Variants in AZIN2 observed in about 807,000 individuals in gnomAD.
AZIN2 encodes ODC antizyme inhibitor-2.
In AZIN2, 28 loss-of-function variants were observed where a neutral mutation model predicts 47.8. The observed-to-expected ratio is 0.59, with a 90% CI of 0.43 to 0.80. The LOEUF (loss-of-function observed/expected upper bound fraction) is 0.80. Among genes scored for constraint, AZIN2 ranks in the 30% least tolerant of loss-of-function variants. AZIN2 has a pLI of 0.00. For missense variants in AZIN2, 535 were observed against 582.5 expected (o/e 0.92, Z 0.84); for synonymous variants, 221 against 239.4 (o/e 0.92, Z 0.71).
At chr1:33,083,317 C>T (rs1185485415) in intron 4 of AZIN2, 1 of 155,552 alleles carries the variant, frequency 6.4e-6, no homozygotes, top group Non-Finnish European at 1.4e-5. Flanking sequence ...GGGTCCCTTC[C>T]ACATTTAAGT....
At chr1:33,132,870 G>T in the AZIN2 span, among the ~76,000 whole-genome samples, 3 of 152,244 alleles carry the variant, frequency 2.0e-5, no homozygotes, top group African/African-American at 7.2e-5. Context: ...AAAATTAGCG[G>T]CATGAGAGGC....
chr1:33,138,640 A>AAAAAAAAAAAAG, the AZIN2 span, among the ~76,000 whole-genome samples: 1 of 149,418 alleles, frequency 6.7e-6, no homozygotes, highest in Non-Finnish European at 1.5e-5. Context: ...AAAAAAAAAA[A>AAAAAAAAAAAAG]AAAAAGAAAA....
At chr1:33,103,438 T>G (rs1643861578) in intron 10 of AZIN2, among the ~76,000 whole-genome samples, 1 of 152,158 alleles carries the variant, frequency 6.6e-6, no homozygotes, top group Non-Finnish European at 1.5e-5. Context: ...CACTCACCCC[T>G]GAGACAGCTG....
At chr1:33,161,601 C>A in the AZIN2 span, among the ~76,000 whole-genome samples, 1 of 151,988 alleles carries the variant, frequency 6.6e-6, no homozygotes, top group Non-Finnish European at 1.5e-5. The surrounding 1 kb of genome is among the most constrained non-coding windows in gnomAD (Gnocchi z 4.3). Flanking sequence ...GGGGGGCGGA[C>A]GAGAGTCTGG....
chr1:33,115,533 G>A (rs1644499454), intron 10 of AZIN2, among the ~76,000 whole-genome samples: 1 of 152,052 alleles, frequency 6.6e-6, no homozygotes, highest in Non-Finnish European at 1.5e-5. Context: ...GCAAAATCCT[G>A]TATCTACTAA....
chr1:33,136,122 C>CCTTG, the AZIN2 span, among the ~76,000 whole-genome samples: 18 of 89,932 alleles, frequency 2.0e-4, no homozygotes, highest in African/African-American at 7.6e-4. Flanking sequence ...GCCCTTCCTT[C>CCTTG]CTTCCTTCCT....
chr1:33,098,980 G>T (rs1643435573), intron 10 of AZIN2, among the ~76,000 whole-genome samples: 2 of 151,616 alleles, frequency 1.3e-5, no homozygotes, highest in South Asian at 4.2e-4. Flanking sequence ...GTCCAGGCTG[G>T]TCTCTAACCC....
chr1:33,095,488 A>G (rs1237954524), intron 8 of AZIN2, among the ~76,000 whole-genome samples: 1 of 152,228 alleles, frequency 6.6e-6, no homozygotes, highest in Non-Finnish European at 1.5e-5. Context: ...AATAAAAAAT[A>G]GCGTTTGTAT....
rs1643193901 is a variant in AZIN2 at position 33,096,718 on chromosome 1, G to A, written c.765G>A (p.Val255=). The change falls in exon 9 of 12, where the codon GTG becomes GTA. Residue 255 remains valine, a synonymous_variant. Coordinates refer to ENST00000294517, the MANE Select transcript of AZIN2 (RefSeq NM_052998.4). The part of the protein sequence containing the change: ...AKVRFEEIAS[V]INSALDLYFP... ...TCTCCTCCTACCAGATTGCTTCCGT[G>A]ATCAACTCAGCCTTGGACCTGTACT... 6.2e-7 allele frequency: 1 copy of A among 1,614,226 alleles called. No homozygotes were observed. Among genetic ancestry groups the A allele is most frequent in the Admixed American group, 1.7e-5 (1 of 60,028 alleles).
intron 11 of AZIN2, chr1:33,119,180 TA>T: frequency 6.5e-6 from 1 of 152,964 alleles, no homozygotes; most frequent in Non-Finnish European, 1.5e-5. Context: ...AGGACATGTG[TA>T]AGAGCCCAAA....
the AZIN2 span, among the ~76,000 whole-genome samples, chr1:33,133,761 C>T: frequency 1.3e-5 from 2 of 152,216 alleles, no homozygotes; most frequent in Non-Finnish European, 2.9e-5. Context: ...ACACTGGGCT[C>T]CCACGACACG....
rs990423134 is a variant in AZIN2 at position 33,123,449 on chromosome 1, A to G, written c.*3267A>G. On this transcript the variant is annotated 3_prime_UTR_variant, in exon 12 of 12. Coordinates refer to ENST00000294517, the MANE Select transcript of AZIN2 (RefSeq NM_052998.4). ...GTATATGCTGGATGGGCAAATGAAT[A>G]AACATGTCTGAATCTGTCTGAATAA... Among the ~76,000 whole-genome samples, 1 of 152,242 alleles carries G rather than the reference A, an allele frequency of 6.6e-6. No homozygotes were observed. The highest frequency in any genetic ancestry group is 2.4e-5 in the African/African-American group (1 of 41,456).
Position 33,094,706 on chromosome 1 carries a change from T to A in AZIN2, c.746T>A (p.Phe249Tyr). Residue 249 changes from phenylalanine (F) to tyrosine (Y), a missense_variant, in exon 8 of 12, where the codon TTT (phenylalanine) becomes TAT (tyrosine). This residue lies in a region of AZIN2 where 409 missense variants were observed against 429.0 expected (regional missense o/e 0.95). Transcript: ENST00000294517. ...FPGTEGAKVRFEEIASVINSA... is the reference protein window; with the variant it reads ...FPGTEGAKVRYEEIASVINSA... ...GGCACAGAAGGGGCCAAAGTGAGATTTGAAGAGGTAACCCTGGAGCTGGGA... is the reference window on the plus strand; with the variant it reads ...GGCACAGAAGGGGCCAAAGTGAGATATGAAGAGGTAACCCTGGAGCTGGGA... The A allele has an allele frequency of 6.2e-7, 1 of 1,614,114 alleles. No individual in the cohort carries two copies. Among genetic ancestry groups the A allele is most frequent in the South Asian group, 1.1e-5 (1 of 91,082 alleles).
rs1470795174 is a variant in AZIN2 at position 33,096,823 on chromosome 1, C to T, written c.870C>T (p.Ser290=). 1 of 1,614,192 alleles carries T rather than the reference C, an allele frequency of 6.2e-7. No individual in the cohort carries two copies. ...YVTSAFTVAV[S]IIAKKEVLLD... is the part of the protein sequence containing the mutation. ...CCTCGGCCTTCACTGTGGCAGTCAG[C>T]ATCATTGCCAAGAAGGAGGTTCTGC... The change falls in exon 9 of 12, where the codon AGC becomes AGT. Residue 290 remains serine (S), a synonymous_variant. Transcript: ENST00000294517.
the AZIN2 span, chr1:33,165,609 T>C: frequency 6.5e-7 from 1 of 1,536,316 alleles, no homozygotes; most frequent in East Asian, 2.4e-5. This position sits in a 1 kb window ranked among gnomAD's most constrained non-coding sequence, Gnocchi z 4.0. Flanking sequence ...GGGCCATGCC[T>C]GGCCCAGGCA....
At chr1:33,136,245 TTCTC>T in the AZIN2 span, among the ~76,000 whole-genome samples, 6 of 151,126 alleles carry the variant, frequency 4.0e-5, no homozygotes, top group Non-Finnish European at 5.9e-5. Flanking sequence ...TTCTTTTCCT[TTCTC>T]TCTTTCTTTT....
At chr1:33,149,047 A>G in the AZIN2 span, among the ~76,000 whole-genome samples, 1 of 152,060 alleles carries the variant, frequency 6.6e-6, no homozygotes, top group African/African-American at 2.4e-5. Flanking sequence ...GCTTGTTGCA[A>G]CCACCCCCAG....
At chr1:33,132,795 T>C in the AZIN2 span, among the ~76,000 whole-genome samples, 3 of 152,238 alleles carry the variant, frequency 2.0e-5, no homozygotes, top group African/African-American at 4.8e-5. Flanking sequence ...ATGAACCTTG[T>C]GGTTGACACA....
downstream of AZIN2, among the ~76,000 whole-genome samples, chr1:33,127,519 G>T (rs1644865536): frequency 6.6e-6 from 1 of 152,234 alleles, no homozygotes; most frequent in Non-Finnish European, 1.5e-5. Flanking sequence ...CGGGAAAGGG[G>T]TCAACCCGGG....
Sources: allele counts gnomAD v4.1 joint callset (sites outside exome capture counted in the v4.1 genomes callset), GRCh38; gene constraint gnomAD v4.1.1; regional missense constraint gnomAD v4.1.1; non-coding constraint Gnocchi (gnomAD v3.1); transcripts MANE v1.5; gene names NCBI Gene and HGNC (gene_info 2026-07-23, HGNC 2026-07-21).